The following GRIP2 variants were observed in gnomAD, a reference collection of about 807,000 sequenced individuals.
GRIP2 encodes the protein glutamate receptor-interacting protein 2.
In GRIP2, 58 loss-of-function variants were observed where a neutral mutation model predicts 108.3. The observed-to-expected ratio is 0.54, with a 90% confidence interval of 0.43 to 0.67. The LOEUF is 0.67. GRIP2 is among the 30% of genes least tolerant of loss of function. The probability of loss-of-function intolerance (pLI) is 0.00; values close to 1 mark genes in which losing one functional copy is unlikely to be tolerated. For missense variants in GRIP2, 1,278 were observed against 1,430.6 expected (o/e 0.89, Z 1.72); for synonymous variants, 586 against 598.2 (o/e 0.98, Z 0.30).
In GRIP2 at chr3:14,489,469, G is replaced by T. The variant is rs1404895306; in HGVS notation, c.*4196C>A. On this transcript the variant is annotated 3_prime_UTR_variant, in exon 24 of 24. Coordinates refer to ENST00000621039, the MANE Select transcript of GRIP2 (RefSeq NM_001080423.4). ...CTCCTCAAAGGTAGGTATTTTCCCAGGTTAGAGGTTCCCACATGGAGGCTC... is the reference window on the plus strand; with the variant it reads ...CTCCTCAAAGGTAGGTATTTTCCCATGTTAGAGGTTCCCACATGGAGGCTC... The T allele has an allele frequency of 6.6e-6, 1 of 152,588 alleles. No homozygotes were observed. The highest frequency in any genetic ancestry group is 2.4e-5 in the African/African-American group (1 of 41,448). 9.5% of individuals were successfully genotyped at this position (152,588 alleles called of 1,614,324 possible).
Position 14,507,483 on chromosome 3 carries a change from T to C in GRIP2, c.2218+78A>G. The C allele has an allele frequency of 1.9e-6, 3 of 1,552,820 alleles. No individual in the cohort carries two copies. Among genetic ancestry groups the C allele is most frequent in the Non-Finnish European group, 2.7e-6 (3 of 1,131,404 alleles). The stretch of plus-strand genomic sequence containing the variant: ...CTGCAGTGAGGACTCTGTGAGGGTG[T>C]GCAGGCAAAGCCTGGCACAGAGGGA... On this transcript the variant is annotated intron_variant, in intron 18 of 23. Coordinates refer to ENST00000621039, the MANE Select transcript of GRIP2 (RefSeq NM_001080423.4). The surrounding 1 kb of genome is among the most constrained non-coding windows in gnomAD (Gnocchi z 4.6).
chr3:14,505,831 C>A lies in GRIP2; in HGVS notation c.2399-42G>T. 1 of 1,461,560 alleles carries A rather than the reference C, an allele frequency of 6.8e-7. No homozygotes were observed. The highest frequency in any genetic ancestry group is 9.1e-7 in the Non-Finnish European group (1 of 1,104,200). The allele number at this position is 1,461,560 out of a possible 1,614,324, so 90.5% of individuals were successfully genotyped here. ...GGCCTCTGTGTTCCCTGCGGCCTCA[C>A]CTTGCCCTCCTGCCTGCCCCATTTC... On this transcript the variant is annotated intron_variant, in intron 19 of 23. Transcript: ENST00000621039. This position sits in a 1 kb window ranked among gnomAD's most constrained non-coding sequence, Gnocchi z 4.2.
chr3:14,553,432 C>T (rs1695184280), intron 1 of GRIP2, among the ~76,000 whole-genome samples: 1 of 152,174 alleles, frequency 6.6e-6, no homozygotes, highest in South Asian at 2.1e-4. Context: ...TTTTCATGAG[C>T]TGCTCCCCTC....
intron 22 of GRIP2, among the ~76,000 whole-genome samples, chr3:14,495,413 G>A (rs570725018): frequency 1.8e-4 from 28 of 152,078 alleles, no homozygotes; most frequent in Admixed American, 8.5e-4. Flanking sequence ...TTTTGTTTTC[G>A]TTTTTGTTTT....
chr3:14,587,574 G>A, the GRIP2 span, among the ~76,000 whole-genome samples: 1 of 151,588 alleles, frequency 6.6e-6, no homozygotes, highest in South Asian at 2.1e-4. Context: ...GGGAGGCGGA[G>A]GTTGCAGTGA....
chr3:14,584,382 G>T, the GRIP2 span, among the ~76,000 whole-genome samples: 1 of 152,148 alleles, frequency 6.6e-6, no homozygotes, highest in Non-Finnish European at 1.5e-5. Flanking sequence ...CAAGCCCACC[G>T]TGGAGGCTCC....
chr3:14,523,206 C>T (rs1212707473), intron 5 of GRIP2, 131 bp from the exon 6 acceptor site: 10 of 685,876 alleles, frequency 1.5e-5, no homozygotes, highest in Non-Finnish European at 2.5e-5. Context: ...TCCATGGACC[C>T]TCTTATGAGA....
At chr3:14,570,914 G>A in the GRIP2 span, among the ~76,000 whole-genome samples, 1 of 152,134 alleles carries the variant, frequency 6.6e-6, no homozygotes, top group African/African-American at 2.4e-5. Flanking sequence ...ACTTTTTTTA[G>A]GTCAGGGTTT....
chr3:14,494,736 C>G (rs1221167252), intron 23 of GRIP2, 107 bp downstream of exon 23: 2 of 1,352,426 alleles, frequency 1.5e-6, no homozygotes, highest in Non-Finnish European at 2.0e-6. Context: ...CTGACTCAGA[C>G]TTGCATTGTC....
At chr3:14,601,601 T>C in the GRIP2 span, among the ~76,000 whole-genome samples, 1 of 152,164 alleles carries the variant, frequency 6.6e-6, no homozygotes, top group Non-Finnish European at 1.5e-5. Flanking sequence ...AGGCACTGGC[T>C]AAGGCTTAAT....
intron 19 of GRIP2, among the ~76,000 whole-genome samples, chr3:14,506,506 G>A (rs1693931611): frequency 6.6e-6 from 1 of 152,224 alleles, no homozygotes; most frequent in African/African-American, 2.4e-5. Context: ...GAAGGCTACA[G>A]TAGAAGAAAG....
chr3:14,515,536 T>C (rs1320212931), intron 11 of GRIP2, among the ~76,000 whole-genome samples: 1 of 152,006 alleles, frequency 6.6e-6, no homozygotes, highest in African/African-American at 2.4e-5. Flanking sequence ...CATTACTAAT[T>C]ATATTATTGT....
intron 1 of GRIP2, among the ~76,000 whole-genome samples, chr3:14,534,075 C>T (rs143795275): frequency 2.0e-5 from 3 of 152,328 alleles, no homozygotes; most frequent in African/African-American, 7.2e-5. Context: ...GACCCCCTGG[C>T]ATAGTCAGAA....
At chr3:14,515,214 C>T (rs555634665) in intron 11 of GRIP2, among the ~76,000 whole-genome samples, 3 of 152,204 alleles carry the variant, frequency 2.0e-5, no homozygotes, top group African/African-American at 4.8e-5. Context: ...TATGGATACA[C>T]CACATTTTGT....
chr3:14,553,478 T>C (rs772990482), intron 1 of GRIP2, among the ~76,000 whole-genome samples: 1 of 152,166 alleles, frequency 6.6e-6, no homozygotes, highest in Non-Finnish European at 1.5e-5. Flanking sequence ...CATCCTTAAA[T>C]ACGCAGCTCT....
chr3:14,505,598 G>A lies in GRIP2; in HGVS notation c.2573+17C>T, dbSNP rs371332318. 2.5e-6 allele frequency: 4 copies of A among 1,604,958 alleles called. No individual in the cohort carries two copies. In the African/African-American group the frequency reaches 4.0e-5, roughly 16 times the overall value. ...CACTGTGACTCCCTCCTCCTTCACG[G>A]TGCTCCCACCACAGACCTCGTTGGC... is the stretch of plus-strand genomic sequence containing the variant. On this transcript the variant is annotated intron_variant, in intron 20 of 23. Coordinates refer to ENST00000621039, the MANE Select transcript of GRIP2 (RefSeq NM_001080423.4). The surrounding 1 kb of genome is among the most constrained non-coding windows in gnomAD (Gnocchi z 4.2).
chr3:14,551,754 G>A (rs1162734521), intron 1 of GRIP2, among the ~76,000 whole-genome samples: 8 of 152,170 alleles, frequency 5.3e-5, no homozygotes, highest in African/African-American at 9.6e-5. Context: ...GAACGCCCCC[G>A]GGGTGAAATG....
the GRIP2 span, chr3:14,572,725 G>C: frequency 2.1e-6 from 1 of 481,932 alleles, no homozygotes; most frequent in Non-Finnish European, 3.8e-6. Flanking sequence ...CAAGAGTTCT[G>C]TCTTCAGGAA....
upstream of GRIP2, among the ~76,000 whole-genome samples, chr3:14,557,060 G>A (rs1695246892): frequency 6.6e-6 from 1 of 152,252 alleles, no homozygotes. Flanking sequence ...ATCAGGCTTT[G>A]CCTGTGAACC....
Sources: gnomAD v4.1 joint callset for allele counts (sites outside exome capture counted in the v4.1 genomes callset) on GRCh38, gnomAD v4.1.1 for gene constraint, Gnocchi (gnomAD v3.1) non-coding constraint, MANE v1.5 for transcripts, NCBI Gene and HGNC (gene_info 2026-07-23, HGNC 2026-07-21) for gene names.